Variants in GPM6A observed in about 807,000 individuals in gnomAD.
GPM6A encodes the protein glycoprotein M6A.
A neutral mutation model predicts 32.1 loss-of-function variants in GPM6A; 7 were observed. The observed-to-expected ratio is 0.22, with a 90% confidence interval of 0.12 to 0.41. GPM6A has a LOEUF of 0.41. Among genes scored for constraint, GPM6A ranks in the 10% least tolerant of loss-of-function variants. The pLI, the probability that GPM6A is intolerant of heterozygous loss-of-function variation, is 1.00. For synonymous variants in GPM6A, 130 were observed against 123.4 expected (o/e 1.05, Z -0.35); for missense variants, 235 against 347.2 (o/e 0.68, Z 2.57).
At chr4:175,674,713 T>C (rs1743267786) in intron 2 of GPM6A, among the ~76,000 whole-genome samples, 1 of 152,160 alleles carries the variant, frequency 6.6e-6, no homozygotes, top group Non-Finnish European at 1.5e-5. Context: ...CATGTGTATT[T>C]GTTAATGATA....
At chr4:175,780,046 CTTTTT>C (rs112638875) in intron 1 of GPM6A, among the ~76,000 whole-genome samples, 1 of 143,984 alleles carries the variant, frequency 6.9e-6, no homozygotes, top group African/African-American at 2.5e-5. Context: ...CATGTGTTAA[CTTTTT>C]TTTTTTTTTG....
rs774683670 is a variant in GPM6A, at chr4:175,651,940, C to T, written c.435G>A (p.Thr145=). 4.0e-5 allele frequency: 64 copies of T among 1,612,254 alleles called. No homozygotes were observed. Among genetic ancestry groups the T allele is most frequent in the Admixed American group, 6.7e-5 (4 of 59,814 alleles). Residue 145 remains threonine (T), a synonymous_variant, in exon 4 of 7, where the codon ACG becomes ACA. Transcript: ENST00000393658. ...YLFMLAWLGV[T]AFTSLPVYMY... is the part of the protein sequence containing the mutation. ...TGTAAACTGGCAGTGAGGTGAAAGC[C>T]GTGACTCCCAGCCAGGCCAACATGA...
intron 4 of GPM6A, 124 bp from the exon 5 acceptor site, chr4:175,640,953 G>A (rs1741106010): frequency 1.6e-6 from 1 of 636,790 alleles, no homozygotes; most frequent in Non-Finnish European, 2.8e-6. Context: ...ATGTTACAGT[G>A]GAAAAATAAT....
chr4:175,708,363 T>TTTTA (rs57574939), intron 1 of GPM6A, among the ~76,000 whole-genome samples: 100,281 of 142,002 alleles, frequency 0.71, 35,903 homozygotes, highest in Admixed American at 0.75. Flanking sequence ...AGAAGGTTTA[T>TTTTA]TTTATTTATT....
chr4:175,781,389 A>G (rs1733610212), intron 1 of GPM6A: 1 of 152,120 alleles, frequency 6.6e-6, no homozygotes, highest in Admixed American at 6.6e-5. Context: ...CAGAGAAGGA[A>G]ACAGATTTCA....
At chr4:175,799,743 C>T (rs1193584896) in intron 1 of GPM6A, among the ~76,000 whole-genome samples, 1 of 126,738 alleles carries the variant, frequency 7.9e-6, no homozygotes, top group East Asian at 2.5e-4. Context: ...GGCGCAATCT[C>T]GGCTCACTGC....
At chr4:175,910,470 C>G (rs992784129) in intron 1 of GPM6A, among the ~76,000 whole-genome samples, 1 of 152,166 alleles carries the variant, frequency 6.6e-6, no homozygotes, top group Non-Finnish European at 1.5e-5. Context: ...CTCAGCCTTA[C>G]TGGGCTGGTG....
At chr4:175,647,831 C>T (rs1741550402) in intron 4 of GPM6A, among the ~76,000 whole-genome samples, 1 of 152,088 alleles carries the variant, frequency 6.6e-6, no homozygotes, top group Admixed American at 6.5e-5. Flanking sequence ...TATATACATA[C>T]ATTCAGGAGT....
At chr4:175,925,747 G>T (rs2111533996) in intron 1 of GPM6A, among the ~76,000 whole-genome samples, 1 of 151,668 alleles carries the variant, frequency 6.6e-6, no homozygotes, top group East Asian at 1.9e-4. Context: ...TTTCAATATT[G>T]TACTAATATT....
intron 1 of GPM6A, among the ~76,000 whole-genome samples, chr4:175,862,065 C>T (rs1206905092): frequency 6.6e-6 from 1 of 152,190 alleles, no homozygotes; most frequent in Admixed American, 6.5e-5. Flanking sequence ...ATTTTTAAGT[C>T]TTCCTATCCA....
At chr4:175,707,027 G>A (rs984597651) in intron 1 of GPM6A, among the ~76,000 whole-genome samples, 8 of 152,182 alleles carry the variant, frequency 5.3e-5, no homozygotes, top group Admixed American at 5.2e-4. Context: ...CTAAAAAGGG[G>A]AGGAACCATC....
intron 1 of GPM6A, among the ~76,000 whole-genome samples, chr4:175,754,199 A>T (rs963911682): frequency 1.1e-4 from 16 of 152,224 alleles, no homozygotes; most frequent in African/African-American, 3.9e-4. Flanking sequence ...GAAAATAATG[A>T]CTATTGGCTA....
intron 1 of GPM6A, among the ~76,000 whole-genome samples, chr4:175,966,864 A>T (rs1054804149): frequency 2.6e-5 from 4 of 152,204 alleles, no homozygotes; most frequent in African/African-American, 9.6e-5. Flanking sequence ...AGATGGGTCT[A>T]CTATTGAATT....
intron 1 of GPM6A, among the ~76,000 whole-genome samples, chr4:175,869,104 A>G (rs1736826526): frequency 6.6e-6 from 1 of 152,204 alleles, no homozygotes; most frequent in African/African-American, 2.4e-5. Context: ...ATCATGCCTA[A>G]CAAAATCACA....
intron 1 of GPM6A, among the ~76,000 whole-genome samples, chr4:175,944,842 C>A (rs568175302): frequency 6.6e-6 from 1 of 152,282 alleles, no homozygotes; most frequent in African/African-American, 2.4e-5. Context: ...CCTAATAATG[C>A]GTTTTGTAGG....
intron 1 of GPM6A, among the ~76,000 whole-genome samples, chr4:175,948,841 C>T (rs1329799909): frequency 6.6e-6 from 1 of 152,068 alleles, no homozygotes; most frequent in Non-Finnish European, 1.5e-5. Context: ...TCAATTGTTA[C>T]TAGATTGAGC....
At chr4:175,792,629 G>T (rs1472709482) in intron 1 of GPM6A, among the ~76,000 whole-genome samples, 1 of 151,956 alleles carries the variant, frequency 6.6e-6, no homozygotes, top group Admixed American at 6.6e-5. Flanking sequence ...TAAAATTTGA[G>T]ATGTTAAATT....
intron 1 of GPM6A, chr4:176,002,185 C>T: frequency 2.7e-6 from 3 of 1,095,178 alleles, no homozygotes; most frequent in Non-Finnish European, 2.7e-6. Context: ...GGACGCCAGG[C>T]GCGGGGGGAA....
At chr4:175,637,675 ATATATATAT>A (rs1560842744) in intron 6 of GPM6A, among the ~76,000 whole-genome samples, 69 of 1,556 alleles carry the variant, frequency 0.044, 3 homozygotes, top group East Asian at 0.23. Flanking sequence ...AATATATATA[ATATATATAT>A]AATATATAAT....
Sources: allele counts gnomAD v4.1 joint callset (sites outside exome capture counted in the v4.1 genomes callset), GRCh38; gene constraint gnomAD v4.1.1; transcripts MANE v1.5; gene names NCBI Gene and HGNC (gene_info 2026-07-23, HGNC 2026-07-21).